MROH9: variants seen among roughly 807,000 people sequenced by gnomAD.
MROH9 encodes the protein maestro heat-like repeat-containing protein family member 9.
MROH9 carries 92 observed loss-of-function variants against 98.2 expected under a neutral mutation model. The observed-to-expected ratio is 0.94, with a 90% CI of 0.79 to 1.11. MROH9 has a LOEUF of 1.11. Ranked by LOEUF, MROH9 falls within the 50% of genes most tolerant of loss-of-function variation. The pLI is 0.00. For missense variants in MROH9, 1,057 were observed against 1,014.8 expected (o/e 1.04, Z -0.57); for synonymous variants, 397 against 368.9 (o/e 1.08, Z -0.87).
intron 15 of MROH9, among the ~76,000 whole-genome samples, chr1:171,003,288 G>C (rs933087779): frequency 1.3e-5 from 2 of 152,118 alleles, no homozygotes; most frequent in Non-Finnish European, 2.9e-5. Flanking sequence ...TGGTGAACTA[G>C]TACGATTTTT....
At chr1:170,985,692 T>C (rs910585028) in intron 9 of MROH9, among the ~76,000 whole-genome samples, 1 of 152,222 alleles carries the variant, frequency 6.6e-6, no homozygotes, top group African/African-American at 2.4e-5. Context: ...AATCTGGCTC[T>C]CTTAAAGTAG....
chr1:170,962,730 G>T (rs977083964), intron 6 of MROH9, among the ~76,000 whole-genome samples: 1 of 128,878 alleles, frequency 7.8e-6, no homozygotes, highest in African/African-American at 2.6e-5. Flanking sequence ...AATTTGAGCT[G>T]TTTTTTTTAA....
At chr1:170,940,559 A>G (rs1649084905) in intron 1 of MROH9, among the ~76,000 whole-genome samples, 2 of 152,336 alleles carry the variant, frequency 1.3e-5, no homozygotes, top group South Asian at 4.1e-4. Flanking sequence ...AGAGAAAAAA[A>G]GTATTTGCCA....
intron 2 of MROH9, 68 bp downstream of exon 2, chr1:170,945,649 A>G: frequency 1.5e-6 from 2 of 1,347,018 alleles, no homozygotes. Context: ...TATGAGTGAC[A>G]GATGACAGAG....
Position 170,972,829 on chromosome 1 carries a change from TACACACACAC to T in MROH9, c.616+968_616+977del, listed in dbSNP as rs3980699. On this transcript the variant is annotated intron_variant, in intron 8 of 21. Transcript: ENST00000367759. ...TCCGCCTCAAAAAAAAAAAAAAAAA[TACACACACAC>T]ACACACACACACACACACACAGAGT... Among the ~76,000 whole-genome samples, 180 of 128,676 alleles carry T rather than the reference TACACACACAC, an allele frequency of 1.4e-3. 2 individuals are homozygous for T. The highest frequency in any genetic ancestry group is 5.1e-3 in the African/African-American group (172 of 33,848). The allele number at this position is 128,676 out of a possible 152,430, so 84.4% of individuals were successfully genotyped here. A position where few individuals can be genotyped will look rare whatever the true frequency, so the allele number is the denominator to read the frequency against.
At chr1:171,027,078 C>A (rs187641296) in intron 20 of MROH9, among the ~76,000 whole-genome samples, 2 of 152,174 alleles carry the variant, frequency 1.3e-5, no homozygotes, top group Non-Finnish European at 1.5e-5. Flanking sequence ...ATGAAAAATT[C>A]TTTTTATTCC....
chr1:170,946,062 T>C (rs1649320783), intron 2 of MROH9, among the ~76,000 whole-genome samples: 1 of 151,856 alleles, frequency 6.6e-6, no homozygotes, highest in Non-Finnish European at 1.5e-5. Context: ...TGAAATCAAG[T>C]ATTGAAAGCA....
chr1:171,014,945 A>G (rs1652278739), intron 16 of MROH9: 1 of 470,892 alleles, frequency 2.1e-6, no homozygotes, highest in Non-Finnish European at 4.4e-6. Context: ...TATTCAAGTT[A>G]AAGCTGAGAA....
intron 15 of MROH9, among the ~76,000 whole-genome samples, chr1:171,012,303 T>G (rs531603932): frequency 3.3e-5 from 5 of 152,232 alleles, no homozygotes; most frequent in African/African-American, 1.2e-4. Context: ...TTTAGAGAAG[T>G]TATTAATACC....
intron 8 of MROH9, among the ~76,000 whole-genome samples, chr1:170,973,125 A>G (rs931619857): frequency 6.6e-6 from 1 of 152,144 alleles, no homozygotes; most frequent in African/African-American, 2.4e-5. Context: ...ATACACACAC[A>G]CACACACGCA....
intron 7 of MROH9, among the ~76,000 whole-genome samples, chr1:170,971,399 A>T (rs1650450837): frequency 6.6e-6 from 1 of 152,146 alleles, no homozygotes; most frequent in Non-Finnish European, 1.5e-5. Context: ...TTACTTTTCT[A>T]TGTCCTGGGA....
At chr1:171,061,033 A>G (rs1343125655) in intron 20 of MROH9, among the ~76,000 whole-genome samples, 1 of 152,228 alleles carries the variant, frequency 6.6e-6, no homozygotes, top group Non-Finnish European at 1.5e-5. Context: ...ACTAAGAAAA[A>G]GATAACTCAA....
chr1:171,000,107 T>C (rs533125038), intron 15 of MROH9, among the ~76,000 whole-genome samples: 1 of 152,212 alleles, frequency 6.6e-6, no homozygotes, highest in African/African-American at 2.4e-5. Context: ...GTATAGGCTG[T>C]GAAGATTTTC....
chr1:170,994,573 T>C lies in MROH9; in HGVS notation c.1195-816T>C, dbSNP rs923444674. ...AATACGCACATCATAGAGAATGGGG[T>C]ACCCATCCCGTCAAGCATTTATTCT... On this transcript the variant is annotated intron_variant, in intron 12 of 21. Coordinates refer to ENST00000367759, the MANE Select transcript of MROH9 (RefSeq NM_001163629.2). 9.2e-5 allele frequency among the ~76,000 whole-genome samples: 14 copies of C among 152,198 alleles called. No individual in the cohort carries two copies. In the South Asian group the frequency reaches 2.9e-3, roughly 32 times the overall value.
At chr1:170,970,079 A>G (rs1199561564) in intron 7 of MROH9, among the ~76,000 whole-genome samples, 1 of 152,212 alleles carries the variant, frequency 6.6e-6, no homozygotes, top group African/African-American at 2.4e-5. Flanking sequence ...TGCTAGAGAC[A>G]TACACCTAGA....
intron 20 of MROH9, among the ~76,000 whole-genome samples, chr1:171,035,907 A>G (rs1348700372): frequency 6.6e-6 from 1 of 152,194 alleles, no homozygotes; most frequent in Non-Finnish European, 1.5e-5. Context: ...CAGGAATTCT[A>G]TAAAATCTCA....
At chr1:171,018,605 C>T (rs535505435) in intron 17 of MROH9, among the ~76,000 whole-genome samples, 70 of 152,294 alleles carry the variant, frequency 4.6e-4, no homozygotes, top group African/African-American at 1.7e-3. Flanking sequence ...TAACAAACTC[C>T]TCTGAGCTAA....
chr1:170,937,205 C>T (rs974479071), intron 1 of MROH9, among the ~76,000 whole-genome samples: 6 of 152,138 alleles, frequency 3.9e-5, no homozygotes, highest in Non-Finnish European at 7.3e-5. Context: ...ATTCCTGTTC[C>T]AACATATGTC....
intron 19 of MROH9, 128 bp from the exon 20 acceptor site, chr1:171,025,190 A>G (rs1488195569): frequency 6.5e-6 from 4 of 619,854 alleles, no homozygotes; most frequent in Non-Finnish European, 1.1e-5. Flanking sequence ...GAACAAGAGT[A>G]TAGTTCACAC....
Sources: allele counts gnomAD v4.1 joint callset (sites outside exome capture counted in the v4.1 genomes callset), GRCh38; gene constraint gnomAD v4.1.1; transcripts MANE v1.5; gene names NCBI Gene and HGNC (gene_info 2026-07-23, HGNC 2026-07-21).